Variants in SYNPO2 observed in about 807,000 individuals in gnomAD.
SYNPO2 encodes the protein synaptopodin-2.
Under a neutral mutation model 85.0 loss-of-function variants are expected in SYNPO2, and 56 were observed. The observed-to-expected ratio is 0.66, with a 90% CI of 0.53 to 0.82. The LOEUF is 0.82. Ranked by LOEUF, SYNPO2 falls within the 40% of genes least tolerant of loss-of-function variation. The probability of loss-of-function intolerance (pLI) is 0.00; values close to 1 mark genes in which losing one functional copy is unlikely to be tolerated. For synonymous variants in SYNPO2, 602 were observed against 591.1 expected (o/e 1.02, Z -0.27); for missense variants, 1,575 against 1,534.2 (o/e 1.03, Z -0.44).
intron 1 of SYNPO2, among the ~76,000 whole-genome samples, chr4:118,871,821 G>T (rs756962596): frequency 1.5e-4 from 23 of 152,050 alleles, no homozygotes; most frequent in Middle Eastern, 3.2e-3. Context: ...CGCCCGCCTT[G>T]GCCTCCCAAA....
intron 1 of SYNPO2, among the ~76,000 whole-genome samples, chr4:118,874,720 A>T (rs1004077833): frequency 7.9e-5 from 12 of 152,224 alleles, no homozygotes; most frequent in African/African-American, 2.2e-4. Context: ...TACAAATTAT[A>T]ATTATAAAAT....
chr4:118,936,157 C>A (rs1033115836), intron 1 of SYNPO2, among the ~76,000 whole-genome samples: 7 of 152,134 alleles, frequency 4.6e-5, no homozygotes, highest in African/African-American at 1.7e-4. Context: ...TAGGTTTCTA[C>A]CCTAGGAGCA....
At chr4:119,013,287 G>A (rs543914298) in intron 1 of SYNPO2, among the ~76,000 whole-genome samples, 1 of 152,288 alleles carries the variant, frequency 6.6e-6, no homozygotes, top group African/African-American at 2.4e-5. Flanking sequence ...TCCTGATGAA[G>A]CAGTTAAAGT....
chr4:119,020,913 A>G (rs1737696510), intron 1 of SYNPO2, among the ~76,000 whole-genome samples: 1 of 152,166 alleles, frequency 6.6e-6, no homozygotes, highest in Admixed American at 6.5e-5. Context: ...CTAAATGGAT[A>G]TTTTCAAAAT....
intron 3 of SYNPO2, 65 bp from the exon 4 acceptor site, chr4:119,029,780 G>A: frequency 3.4e-6 from 5 of 1,465,580 alleles, no homozygotes; most frequent in Non-Finnish European, 4.5e-6. Context: ...TCATTTCTGA[G>A]TTGCTGTGGT....
At chr4:118,889,865 G>A (rs1392577680) in intron 1 of SYNPO2, among the ~76,000 whole-genome samples, 1 of 152,116 alleles carries the variant, frequency 6.6e-6, no homozygotes, top group African/African-American at 2.4e-5. Context: ...CCATTAGATT[G>A]CCTGCATTAC....
At chr4:118,946,493 G>T (rs1472971493) in intron 1 of SYNPO2, among the ~76,000 whole-genome samples, 2 of 125,124 alleles carry the variant, frequency 1.6e-5, no homozygotes, top group African/African-American at 5.3e-5. Flanking sequence ...CACCCAAAAA[G>T]AATGGAACAA....
intron 1 of SYNPO2, among the ~76,000 whole-genome samples, chr4:118,869,949 C>G (rs998675598): frequency 6.6e-6 from 1 of 152,232 alleles, no homozygotes; most frequent in Non-Finnish European, 1.5e-5. Flanking sequence ...AGTGACATCA[C>G]TACAAATAAC....
At chr4:118,953,577 C>G (rs1025661932) in intron 1 of SYNPO2, among the ~76,000 whole-genome samples, 1 of 149,504 alleles carries the variant, frequency 6.7e-6, no homozygotes, top group East Asian at 2.0e-4. Flanking sequence ...CTCTGGAGGA[C>G]TCAATCTTCC....
chr4:118,927,770 G>T (rs2149131519), intron 1 of SYNPO2, among the ~76,000 whole-genome samples: 7 of 40,572 alleles, frequency 1.7e-4, no homozygotes, highest in Non-Finnish European at 2.8e-4. Context: ...TATATAGATA[G>T]ATAGATGATA....
intron 1 of SYNPO2, among the ~76,000 whole-genome samples, chr4:118,876,723 T>TTTCTC (rs1731932742): frequency 9.5e-6 from 1 of 105,518 alleles, no homozygotes; most frequent in Non-Finnish European, 2.0e-5. Context: ...CTTTCTTTCT[T>TTTCTC]TCTTTCTTTC....
chr4:118,933,065 A>G (rs1733984920), intron 1 of SYNPO2, among the ~76,000 whole-genome samples: 1 of 152,242 alleles, frequency 6.6e-6, no homozygotes, highest in Admixed American at 6.5e-5. Context: ...AGACAAGTGA[A>G]AATATTTTAT....
intron 1 of SYNPO2, chr4:119,006,215 A>G (rs559524449): frequency 6.5e-6 from 1 of 152,722 alleles, no homozygotes; most frequent in African/African-American, 2.4e-5. Context: ...ATGAAGCCAA[A>G]AGGACATGCT....
At chr4:118,917,559 T>C (rs1578548542) in intron 1 of SYNPO2, among the ~76,000 whole-genome samples, 2 of 152,238 alleles carry the variant, frequency 1.3e-5, no homozygotes, top group South Asian at 4.1e-4. Flanking sequence ...ATCCAGCTTT[T>C]TAATTTTTGA....
At chr4:118,981,707 G>A (rs1355821873) in intron 1 of SYNPO2, among the ~76,000 whole-genome samples, 1 of 152,152 alleles carries the variant, frequency 6.6e-6, no homozygotes, top group African/African-American at 2.4e-5. Context: ...TCACATGCAG[G>A]TAGCCAGTTA....
At chr4:118,880,759 A>G (rs1732072987) in intron 1 of SYNPO2, among the ~76,000 whole-genome samples, 1 of 152,022 alleles carries the variant, frequency 6.6e-6, no homozygotes, top group Admixed American at 6.6e-5. Context: ...AAAAAAAAAA[A>G]AAAAATTATG....
intron 1 of SYNPO2, among the ~76,000 whole-genome samples, chr4:118,896,936 A>T (rs1732567714): frequency 1.3e-5 from 2 of 151,156 alleles, no homozygotes; most frequent in Admixed American, 1.3e-4. Flanking sequence ...TTGTATTTTG[A>T]AGCAGTGTGG....
rs1738268240 is a variant in SYNPO2, at chr4:119,031,603, C to G, written c.2828C>G (p.Ser943Ter). Residue 943 changes from serine (S) to a stop codon, truncating the protein, a stop_gained, in exon 4 of 5, where the codon TCA becomes TGA. Coordinates refer to ENST00000307142, the MANE Select transcript of SYNPO2 (RefSeq NM_133477.3). LOFTEE classifies it high-confidence loss of function. ...CTGGCTGCTCTCAAGTCTCAGCCATCAGCTGCACAGCCCTCCAAAATGGGC... is the reference window on the plus strand; with the variant it reads ...CTGGCTGCTCTCAAGTCTCAGCCATGAGCTGCACAGCCCTCCAAAATGGGC... ...YPLAALKSQPSAAQPSKMGKK... is the reference protein window; with the variant it reads ...YPLAALKSQP 1.2e-6 allele frequency: 2 copies of G among 1,614,080 alleles called. No homozygotes were observed. Among genetic ancestry groups the G allele is most frequent in the Non-Finnish European group, 1.7e-6 (2 of 1,180,046 alleles).
upstream of SYNPO2, among the ~76,000 whole-genome samples, chr4:118,884,290 G>A (rs182745316): frequency 2.6e-5 from 4 of 152,332 alleles, no homozygotes; most frequent in East Asian, 7.7e-4. Context: ...AGGACTGACT[G>A]TCTCTCCCAA....
Sources: gnomAD v4.1 joint callset for allele counts (sites outside exome capture counted in the v4.1 genomes callset) on GRCh38, gnomAD v4.1.1 for gene constraint, MANE v1.5 for transcripts, NCBI Gene and HGNC (gene_info 2026-07-23, HGNC 2026-07-21) for gene names.